TFDP1: variants seen among roughly 807,000 people sequenced by gnomAD.
TFDP1 encodes DRTF1-polypeptide 1.
In TFDP1, 6 loss-of-function variants were observed where a neutral mutation model predicts 48.0. That is an observed-to-expected ratio of 0.13 (90% confidence interval 0.07 to 0.25). TFDP1 has a LOEUF of 0.25. TFDP1 is among the 10% of genes least tolerant of loss of function. The probability of loss-of-function intolerance (pLI) is 1.00; values close to 1 mark genes in which losing one functional copy is unlikely to be tolerated. For synonymous variants in TFDP1, 201 were observed against 211.6 expected (o/e 0.95, Z 0.44); for missense variants, 335 against 543.0 (o/e 0.62, Z 3.81).
chr13:113,629,740 T>A (rs73577490), intron 4 of TFDP1, among the ~76,000 whole-genome samples: 3,756 of 152,274 alleles, frequency 0.025, 158 homozygotes, highest in African/African-American at 0.086. Context: ...ATCGGGATGT[T>A]CCTTGTAAGT....
intron 4 of TFDP1, among the ~76,000 whole-genome samples, chr13:113,624,277 C>T (rs147172945): frequency 5.9e-5 from 9 of 152,290 alleles, no homozygotes; most frequent in African/African-American, 2.2e-4. Context: ...GGATGAGAAC[C>T]TGTCCGTTCA....
chr13:113,593,866 G>A (rs1366327251), intron 2 of TFDP1, among the ~76,000 whole-genome samples: 1 of 145,750 alleles, frequency 6.9e-6, no homozygotes, highest in Non-Finnish European at 1.5e-5. Flanking sequence ...CAGGTGTGCT[G>A]TGTGCTGATC....
In TFDP1 at chr13:113,640,336, G is replaced by A; in HGVS notation, c.*69G>A. 1 of 1,534,362 alleles carries A rather than the reference G, an allele frequency of 6.5e-7. No individual in the cohort carries two copies. Among genetic ancestry groups the A allele is most frequent in the South Asian group, 1.2e-5 (1 of 82,344 alleles). On this transcript the variant is annotated 3_prime_UTR_variant, in exon 12 of 12. Transcript: ENST00000375370. The stretch of plus-strand genomic sequence containing the variant: ...AAAAGAAACTTTTTTTTTAATGTGG[G>A]TTTTCTGTTTCCTTTTGGCCTACTC...
chr13:113,613,070 G>C (rs1414796590), intron 3 of TFDP1, among the ~76,000 whole-genome samples: 2 of 152,192 alleles, frequency 1.3e-5, no homozygotes, highest in African/African-American at 4.8e-5. Context: ...AGGCTGGAGT[G>C]CAGTGGCGCC....
chr13:113,609,045 G>A lies in TFDP1; in HGVS notation c.13-1951G>A, dbSNP rs141266684. Among the ~76,000 whole-genome samples the A allele has an allele frequency of 3.2e-3, 495 of 152,358 alleles. 2 individuals are homozygous for A. Among genetic ancestry groups the A allele is most frequent in the African/African-American group, 0.011 (470 of 41,580 alleles). ...CGCATGCCGGCCTTCAGGCACCATC[G>A]TTGACCGCACGTCATGCTTTTCCTG... On this transcript the variant is annotated intron_variant, in intron 2 of 11. Coordinates refer to ENST00000375370, the MANE Select transcript of TFDP1 (RefSeq NM_007111.5).
chr13:113,596,167 A>G (rs1049409872), intron 2 of TFDP1, among the ~76,000 whole-genome samples: 6 of 152,242 alleles, frequency 3.9e-5, no homozygotes, highest in South Asian at 2.1e-4. Flanking sequence ...AAGAAAAATC[A>G]AGGCTTGAAT....
In TFDP1 at chr13:113,640,335, G is replaced by A. The variant is rs182792488; in HGVS notation, c.*68G>A. 1.6e-5 allele frequency: 25 copies of A among 1,535,632 alleles called. No individual in the cohort carries two copies. The African/African-American group carries it at 3.0e-4, about 19-fold the overall frequency. On this transcript the variant is annotated 3_prime_UTR_variant, in exon 12 of 12. Coordinates refer to ENST00000375370, the MANE Select transcript of TFDP1 (RefSeq NM_007111.5). ...GAAAAGAAACTTTTTTTTTAATGTG[G>A]GTTTTCTGTTTCCTTTTGGCCTACT...
intron 11 of TFDP1, among the ~76,000 whole-genome samples, chr13:113,638,099 G>A (rs1039949973): frequency 6.6e-6 from 1 of 152,334 alleles, no homozygotes; most frequent in Non-Finnish European, 1.5e-5. Context: ...ACTAAAAACT[G>A]AAAGTAATAC....
intron 2 of TFDP1, among the ~76,000 whole-genome samples, chr13:113,596,308 A>G (rs768250001): frequency 1.1e-4 from 16 of 152,302 alleles, no homozygotes; most frequent in Non-Finnish European, 1.9e-4. Flanking sequence ...TTGAGGTCAT[A>G]TGTCTTACCC....
intron 4 of TFDP1, among the ~76,000 whole-genome samples, chr13:113,629,991 G>C (rs1377120808): frequency 6.6e-6 from 1 of 152,208 alleles, no homozygotes; most frequent in Admixed American, 6.5e-5. Context: ...GCACTGCCTG[G>C]CGTGGAGCTG....
At chr13:113,601,225 T>A (rs1383889574) in intron 2 of TFDP1, among the ~76,000 whole-genome samples, 1 of 148,708 alleles carries the variant, frequency 6.7e-6, no homozygotes, top group Non-Finnish European at 1.5e-5. Flanking sequence ...CAGCAGCGTC[T>A]GTCACCTCCT....
intron 2 of TFDP1, among the ~76,000 whole-genome samples, chr13:113,590,819 GCTAAGAGGGTGAAACCCCTT>G (rs1362930211): frequency 2.6e-5 from 4 of 151,860 alleles, no homozygotes; most frequent in South Asian, 2.1e-4. Context: ...GACCATCCTG[GCTAAGAGGGTGAAACCCCTT>G]CTCCACTAAA....
rs990302343 is a variant in TFDP1, at chr13:113,598,210, C to T, written c.12+12361C>T. ...CCTGCCAGGTTCATACCACACAACC[C>T]GGTGCAGCCCACCCCAAAGACAGCG... On this transcript the variant is annotated intron_variant, in intron 2 of 11. Coordinates refer to ENST00000375370, the MANE Select transcript of TFDP1 (RefSeq NM_007111.5). The surrounding 1 kb of genome is among the most constrained non-coding windows in gnomAD (Gnocchi z 4.2). Among the ~76,000 whole-genome samples, 8 of 152,142 alleles carry T rather than the reference C, an allele frequency of 5.3e-5. No homozygotes were observed. Among genetic ancestry groups the T allele is most frequent in the South Asian group, 2.1e-4 (1 of 4,826 alleles).
chr13:113,592,363 C>G (rs2048167007), intron 2 of TFDP1, among the ~76,000 whole-genome samples: 1 of 152,156 alleles, frequency 6.6e-6, no homozygotes, highest in South Asian at 2.1e-4. Context: ...CTTCATGTTG[C>G]TCAGGCTGGT....
intron 2 of TFDP1, among the ~76,000 whole-genome samples, chr13:113,609,775 C>T (rs1156777521): frequency 2.6e-5 from 4 of 152,238 alleles, no homozygotes; most frequent in Admixed American, 1.3e-4. Flanking sequence ...TTACCCTCAG[C>T]GAAGGCAGCA....
chr13:113,629,983 A>G (rs936584329), intron 4 of TFDP1, among the ~76,000 whole-genome samples: 11 of 152,160 alleles, frequency 7.2e-5, no homozygotes, highest in Non-Finnish European at 1.5e-5. Flanking sequence ...GCCAGCCAGC[A>G]CTGCCTGGCG....
intron 2 of TFDP1, among the ~76,000 whole-genome samples, chr13:113,608,180 C>G (rs1566649967): frequency 6.6e-6 from 1 of 152,200 alleles, no homozygotes; most frequent in Non-Finnish European, 1.5e-5. Context: ...GAGCAGCCCC[C>G]ACTCTGTCTC....
At chr13:113,586,228 C>CT in intron 2 of TFDP1, 1 of 169,878 alleles carries the variant, frequency 5.9e-6, no homozygotes, top group Non-Finnish European at 1.3e-5. Flanking sequence ...ACATGAGACG[C>CT]TGGACGGGGG....
At position 113,640,234 on chromosome 13, in the gene TFDP1, C is replaced by T. The variant is rs2049609784; in HGVS notation, c.1200C>T (p.Asp400=). The change falls in exon 12 of 12, where the codon GAC becomes GAT. Residue 400 remains aspartate (D), a synonymous_variant. Transcript: ENST00000375370. ...VSYVGEDDEE[D]DDFNENDEDD ...ACGTCGGGGAGGACGACGAGGAGGACGATGACTTCAACGAGAATGACGAGG... is the reference window on the plus strand; with the variant it reads ...ACGTCGGGGAGGACGACGAGGAGGATGATGACTTCAACGAGAATGACGAGG... 5.0e-6 allele frequency: 8 copies of T among 1,613,348 alleles called. No individual in the cohort carries two copies. Among genetic ancestry groups the T allele is most frequent in the East Asian group, 4.5e-5 (2 of 44,814 alleles).
Sources: gnomAD v4.1 joint callset for allele counts (sites outside exome capture counted in the v4.1 genomes callset) on GRCh38, gnomAD v4.1.1 for gene constraint, Gnocchi (gnomAD v3.1) non-coding constraint, MANE v1.5 for transcripts, NCBI Gene and HGNC (gene_info 2026-07-23, HGNC 2026-07-21) for gene names.